Variants in PTPRT observed in about 807,000 individuals in gnomAD.
The protein encoded by PTPRT is protein tyrosine phosphatase receptor type T, also known as receptor-type tyrosine-protein phosphatase T.
PTPRT carries 56 observed loss-of-function variants against 176.8 expected under a neutral mutation model. The observed-to-expected ratio is 0.32, with a 90% confidence interval of 0.26 to 0.40. PTPRT has a LOEUF of 0.40. Ranked by LOEUF, PTPRT falls within the 10% of genes least tolerant of loss-of-function variation. PTPRT has a pLI of 1.00. For missense variants in PTPRT, 1,540 were observed against 1,908.2 expected, an observed-to-expected ratio of 0.81 and a Z score of 3.60; for synonymous variants, 783 against 739.0, an observed-to-expected ratio of 1.06 and a Z score of -0.96.
intron 2 of PTPRT, among the ~76,000 whole-genome samples, chr20:42,799,216 G>A (rs1021867408): frequency 2.6e-5 from 4 of 151,954 alleles, no homozygotes; most frequent in Non-Finnish European, 5.9e-5. Context: ...AGAAGGAGAA[G>A]CAGGAGACAT....
intron 13 of PTPRT, among the ~76,000 whole-genome samples, chr20:42,254,897 C>T (rs1404118342): frequency 1.3e-5 from 2 of 152,112 alleles, no homozygotes; most frequent in African/African-American, 4.8e-5. Flanking sequence ...CATCTTTTAC[C>T]TCAACTTGGT....
At chr20:42,499,602 T>C (rs2071716382) in intron 7 of PTPRT, among the ~76,000 whole-genome samples, 1 of 152,162 alleles carries the variant, frequency 6.6e-6, no homozygotes, top group South Asian at 2.1e-4. Context: ...TTTTAACTTT[T>C]TAATAACAGA....
intron 1 of PTPRT, among the ~76,000 whole-genome samples, chr20:43,090,475 A>G (rs901066405): frequency 3.3e-5 from 5 of 152,096 alleles, no homozygotes; most frequent in African/African-American, 7.2e-5. Context: ...TCACCGTTTT[A>G]GCCAGGATGG....
intron 1 of PTPRT, among the ~76,000 whole-genome samples, chr20:43,151,174 CTT>C (rs2014339533): frequency 6.6e-6 from 1 of 151,988 alleles, no homozygotes; most frequent in Non-Finnish European, 1.5e-5. Flanking sequence ...GGCATGGTGG[CTT>C]GTGCCTGTAA....
intron 9 of PTPRT, among the ~76,000 whole-genome samples, chr20:42,430,218 G>T (rs1314904343): frequency 6.6e-6 from 1 of 152,216 alleles, no homozygotes; most frequent in African/African-American, 2.4e-5. Context: ...GAATTTCACA[G>T]CAGGGTGAGG....
intron 1 of PTPRT, among the ~76,000 whole-genome samples, chr20:42,961,368 C>G (rs910300194): frequency 2.0e-5 from 3 of 152,166 alleles, no homozygotes; most frequent in Non-Finnish European, 2.9e-5. Flanking sequence ...TATTGTGATA[C>G]CCTTACTCAG....
Position 43,132,009 on chromosome 20 carries a change from TAC to T in PTPRT, c.88+57635_88+57636del, listed in dbSNP as rs537036668. Among the ~76,000 whole-genome samples, 155 of 150,490 alleles carry T rather than the reference TAC, an allele frequency of 1.0e-3. 1 individual carries two copies. The highest frequency in any genetic ancestry group is 6.8e-3 in the Middle Eastern group (2 of 294). ...CTCTTGCTTAACTCAATGAAAAATT[TAC>T]ACACACACACACACACAGTCACAAC... is the stretch of plus-strand genomic sequence containing the variant. On this transcript the variant is annotated intron_variant, in intron 1 of 30. Transcript: ENST00000373187.
intron 18 of PTPRT, 68 bp downstream of exon 18, chr20:42,141,847 T>C (rs1191390333): frequency 1.1e-5 from 15 of 1,353,424 alleles, no homozygotes; most frequent in East Asian, 2.3e-5. Flanking sequence ...AGGTAAATAA[T>C]AGTAATAGCC....
At chr20:42,913,786 T>C (rs1978552076) in intron 1 of PTPRT, among the ~76,000 whole-genome samples, 1 of 152,360 alleles carries the variant, frequency 6.6e-6, no homozygotes, top group Non-Finnish European at 1.5e-5. Context: ...TTATGTTTAG[T>C]ATGATAAGAA....
intron 7 of PTPRT, among the ~76,000 whole-genome samples, chr20:42,519,879 A>AT (rs2072139419): frequency 2.6e-5 from 4 of 151,950 alleles, no homozygotes; most frequent in African/African-American, 2.4e-5. Flanking sequence ...TCATTTGAAA[A>AT]TTTTTCCTCC....
intron 7 of PTPRT, among the ~76,000 whole-genome samples, chr20:42,574,116 C>T (rs976167835): frequency 6.6e-6 from 1 of 152,106 alleles, no homozygotes; most frequent in Non-Finnish European, 1.5e-5. Context: ...ATTGAGCCTG[C>T]CTATGTGGGT....
At chr20:42,042,498 G>C in the PTPRT span, among the ~76,000 whole-genome samples, 1 of 152,136 alleles carries the variant, frequency 6.6e-6, no homozygotes, top group Non-Finnish European at 1.5e-5. Flanking sequence ...TCTGGGAGCA[G>C]CTTTCCCTCT....
chr20:42,853,446 CTCAG>C (rs2078509662), intron 2 of PTPRT, among the ~76,000 whole-genome samples: 1 of 152,120 alleles, frequency 6.6e-6, no homozygotes, highest in African/African-American at 2.4e-5. Flanking sequence ...TGGTATAACT[CTCAG>C]TCTGAGGCCA....
At chr20:42,360,530 T>G (rs555554930) in intron 9 of PTPRT, among the ~76,000 whole-genome samples, 2 of 152,252 alleles carry the variant, frequency 1.3e-5, no homozygotes, top group Admixed American at 1.3e-4. Context: ...GTGTCCTGGG[T>G]GCTATGATTT....
At chr20:42,241,088 T>G (rs1310995543) in intron 14 of PTPRT, among the ~76,000 whole-genome samples, 2 of 152,198 alleles carry the variant, frequency 1.3e-5, no homozygotes, top group Admixed American at 1.3e-4. Context: ...AGTTGTTAAG[T>G]GGCATGGCAG....
intron 4 of PTPRT, among the ~76,000 whole-genome samples, chr20:42,777,232 C>T (rs1325618784): frequency 1.3e-5 from 2 of 152,146 alleles, no homozygotes; most frequent in Non-Finnish European, 2.9e-5. Flanking sequence ...AAACTACTCA[C>T]GATGCTGCCC....
intron 9 of PTPRT, among the ~76,000 whole-genome samples, chr20:42,426,756 A>G (rs2059167911): frequency 6.6e-6 from 1 of 152,158 alleles, no homozygotes; most frequent in Admixed American, 6.5e-5. Context: ...GAATGTGCAC[A>G]GTGGCTGAAC....
At chr20:42,154,799 T>C (rs1331710859) in intron 17 of PTPRT, among the ~76,000 whole-genome samples, 3 of 152,142 alleles carry the variant, frequency 2.0e-5, no homozygotes, top group African/African-American at 7.2e-5. Flanking sequence ...ACATCTCTTA[T>C]ATTTTGCTGT....
intron 11 of PTPRT, among the ~76,000 whole-genome samples, chr20:42,350,136 C>T (rs1600871302): frequency 6.6e-6 from 1 of 151,974 alleles, no homozygotes; most frequent in African/African-American, 2.4e-5. Context: ...CCACCGACCC[C>T]ACTAACTAAA....
Sources: allele counts gnomAD v4.1 joint callset (sites outside exome capture counted in the v4.1 genomes callset), GRCh38; gene constraint gnomAD v4.1.1; transcripts MANE v1.5; gene names NCBI Gene and HGNC (gene_info 2026-07-23, HGNC 2026-07-21).